KCMF1: variants seen among roughly 807,000 people sequenced by gnomAD.
KCMF1 encodes potassium channel modulatory factor 1, also known as E3 ubiquitin-protein ligase KCMF1.
KCMF1 carries 3 observed loss-of-function variants against 41.1 expected under a neutral mutation model. That is an observed-to-expected ratio of 0.07 (90% confidence interval 0.03 to 0.19). The LOEUF (loss-of-function observed/expected upper bound fraction) is 0.19, where lower values mean the gene tolerates loss of function less well. KCMF1 is among the 10% of genes least tolerant of loss of function. The pLI is 1.00. For missense variants in KCMF1, 286 were observed against 488.9 expected (o/e 0.58, Z 3.91); for synonymous variants, 142 against 164.5 (o/e 0.86, Z 1.04).
chr2:84,983,991 C>G (rs1673833749), intron 1 of KCMF1, among the ~76,000 whole-genome samples: 1 of 151,974 alleles, frequency 6.6e-6, no homozygotes, highest in Non-Finnish European at 1.5e-5. Flanking sequence ...AATTCAAATG[C>G]TAAATTTTCA....
At chr2:85,031,991 A>T (rs1675285730) in intron 2 of KCMF1, among the ~76,000 whole-genome samples, 1 of 152,022 alleles carries the variant, frequency 6.6e-6, no homozygotes. Flanking sequence ...CCCCGCCTCC[A>T]CCTCCAAAAG....
intron 1 of KCMF1, among the ~76,000 whole-genome samples, chr2:84,974,771 T>G (rs1333374050): frequency 2.9e-5 from 4 of 137,252 alleles, no homozygotes; most frequent in Non-Finnish European, 6.2e-5. Flanking sequence ...AGTGGCGTGA[T>G]CTTGGCTCAC....
At chr2:85,005,968 AG>A (rs147975122) in intron 1 of KCMF1, among the ~76,000 whole-genome samples, 2,331 of 152,304 alleles carry the variant, frequency 0.015, 30 homozygotes, top group South Asian at 0.063. Context: ...TTGTTAACTA[AG>A]CATACTTCTT....
At chr2:84,997,087 G>A (rs199658380) in intron 1 of KCMF1, among the ~76,000 whole-genome samples, 1 of 152,162 alleles carries the variant, frequency 6.6e-6, no homozygotes, top group Non-Finnish European at 1.5e-5. Context: ...TGAGACTGCC[G>A]TGGCTATGCA....
intron 3 of KCMF1, 61 bp from the exon 4 acceptor site, chr2:85,043,503 G>C: frequency 2.1e-6 from 2 of 933,982 alleles, no homozygotes; most frequent in Non-Finnish European, 3.5e-6. Context: ...CAGAATACTC[G>C]TCCAGAAAGA....
intron 1 of KCMF1, among the ~76,000 whole-genome samples, chr2:84,991,848 C>T (rs1674048947): frequency 6.6e-6 from 1 of 152,126 alleles, no homozygotes; most frequent in East Asian, 1.9e-4. Flanking sequence ...AAGTTAATGA[C>T]AAAGTCAGGA....
intron 1 of KCMF1, among the ~76,000 whole-genome samples, chr2:84,992,965 A>C (rs1246694453): frequency 6.6e-6 from 1 of 152,160 alleles, no homozygotes; most frequent in Non-Finnish European, 1.5e-5. Context: ...AGGTCGAGGC[A>C]GGCAGGTCCC....
rs201133152 is a variant in KCMF1 at position 84,984,500 on chromosome 2, A to AT, written c.16+13036dup. 3.4e-3 allele frequency among the ~76,000 whole-genome samples: 515 copies of AT among 151,738 alleles called. 26 individuals are homozygous for AT. The East Asian group carries it at 0.094, about 28-fold the overall frequency. On this transcript the variant is annotated intron_variant, in intron 1 of 6. Coordinates refer to ENST00000409785, the MANE Select transcript of KCMF1 (RefSeq NM_020122.5). Reference sequence around the variant, plus strand: ...ACATATACTGGTTTCATGACCTTTTATTTATTTTTTTCTTTTATATTTAAA... The same window carrying AT: ...ACATATACTGGTTTCATGACCTTTTATTTTATTTTTTTCTTTTATATTTAAA...
At chr2:84,993,117 G>A (rs911737061) in intron 1 of KCMF1, among the ~76,000 whole-genome samples, 5 of 151,874 alleles carry the variant, frequency 3.3e-5, no homozygotes, top group African/African-American at 1.2e-4. Flanking sequence ...AGCCCAGGAG[G>A]TGGAGGCTGT....
rs370097278 is a variant in KCMF1 at position 85,028,164 on chromosome 2, A to G, written c.184+108A>G. 1.1e-5 allele frequency: 7 copies of G among 646,286 alleles called. No individual in the cohort carries two copies. In the African/African-American group the frequency reaches 1.3e-4, roughly 12 times the overall value. The allele number at this position is 646,286 out of a possible 1,614,324, so 40.0% of individuals were successfully genotyped here. On this transcript the variant is annotated intron_variant, in intron 2 of 6. Transcript: ENST00000409785. ...CCCCAGCAGCATACCATAAGCCCCA[A>G]ATTCATTAAACATGAAATAAATCTT... is the stretch of plus-strand genomic sequence containing the variant.
chr2:84,981,130 A>G (rs1329173271), intron 1 of KCMF1, among the ~76,000 whole-genome samples: 3 of 152,024 alleles, frequency 2.0e-5, no homozygotes, highest in Middle Eastern at 3.5e-3. Flanking sequence ...TAGCAGAAGA[A>G]TAAGTGGATG....
intron 1 of KCMF1, 72 bp downstream of exon 1, chr2:84,971,539 A>C: frequency 1.1e-6 from 1 of 902,918 alleles, no homozygotes; most frequent in Non-Finnish European, 1.4e-6. Context: ...GGCGCGGCGG[A>C]GGGCGGCCGG....
intron 1 of KCMF1, among the ~76,000 whole-genome samples, chr2:85,008,903 G>GT (rs1177252373): frequency 6.6e-6 from 1 of 151,770 alleles, no homozygotes; most frequent in Non-Finnish European, 1.5e-5. Context: ...ATAGCTGGCA[G>GT]TTTTTTTGTA....
At chr2:85,008,313 A>G (rs1348636183) in intron 1 of KCMF1, among the ~76,000 whole-genome samples, 2 of 2,254 alleles carry the variant, frequency 8.9e-4, no homozygotes, top group Non-Finnish European at 2.4e-3. Flanking sequence ...ATAATATGAT[A>G]TATATATCAT....
intron 1 of KCMF1, among the ~76,000 whole-genome samples, chr2:84,994,989 T>G (rs1337532268): frequency 2.0e-5 from 3 of 152,186 alleles, no homozygotes; most frequent in African/African-American, 7.2e-5. Context: ...TAAGTGGTGC[T>G]CAGTTCTAGA....
chr2:84,999,281 G>C (rs1674270349), intron 1 of KCMF1, among the ~76,000 whole-genome samples: 2 of 152,018 alleles, frequency 1.3e-5, no homozygotes, highest in African/African-American at 4.8e-5. Context: ...CTCCCAAGTA[G>C]CTGGGATTAC....
At chr2:84,982,070 A>C (rs1673771950) in intron 1 of KCMF1, among the ~76,000 whole-genome samples, 2 of 152,208 alleles carry the variant, frequency 1.3e-5, no homozygotes, top group Non-Finnish European at 2.9e-5. Flanking sequence ...GGCGTGAGCC[A>C]CTGTGCCTGG....
At chr2:85,000,262 A>T (rs887636687) in intron 1 of KCMF1, among the ~76,000 whole-genome samples, 1 of 151,904 alleles carries the variant, frequency 6.6e-6, no homozygotes, top group Non-Finnish European at 1.5e-5. Context: ...AGTAGCTGGG[A>T]CTACAGGTGC....
At chr2:84,974,119 C>T (rs1005124065) in intron 1 of KCMF1, among the ~76,000 whole-genome samples, 6 of 152,182 alleles carry the variant, frequency 3.9e-5, no homozygotes, top group Admixed American at 2.6e-4. Flanking sequence ...TGAGCCACCA[C>T]GCCCAGCCTC....
Sources: gnomAD v4.1 joint callset for allele counts (sites outside exome capture counted in the v4.1 genomes callset) on GRCh38, gnomAD v4.1.1 for gene constraint, MANE v1.5 for transcripts, NCBI Gene and HGNC (gene_info 2026-07-23, HGNC 2026-07-21) for gene names.